HECTD4: variants seen among roughly 807,000 people sequenced by gnomAD.
The protein encoded by HECTD4 is HECT domain E3 ubiquitin protein ligase 4.
A neutral mutation model predicts 471.5 loss-of-function variants in HECTD4; 114 were observed. The ratio of observed to expected loss-of-function variants is 0.24; its 90% confidence interval spans 0.21 to 0.28. The LOEUF (loss-of-function observed/expected upper bound fraction) is 0.28. Ranked by LOEUF, HECTD4 falls within the 10% of genes least tolerant of loss-of-function variation. The probability of loss-of-function intolerance (pLI) is 1.00; values close to 1 mark genes in which losing one functional copy is unlikely to be tolerated. For synonymous variants in HECTD4, 2,012 were observed against 2,256.0 expected (o/e 0.89, Z 3.07); for missense variants, 3,866 against 5,651.5 (o/e 0.68, Z 10.13).
At chr12:112,350,972 G>A (rs1781684198) in intron 1 of HECTD4, among the ~76,000 whole-genome samples, 1 of 152,122 alleles carries the variant, frequency 6.6e-6, no homozygotes, top group Non-Finnish European at 1.5e-5. Context: ...TTAATTCCAT[G>A]TCAGAAATCT....
At chr12:112,242,478 T>G (rs2033662050) in intron 32 of HECTD4, among the ~76,000 whole-genome samples, 1 of 150,904 alleles carries the variant, frequency 6.6e-6, no homozygotes, top group Admixed American at 6.6e-5. Context: ...CTGGGCATGG[T>G]GGTATGCGCC....
At position 112,290,862 on chromosome 12, in the gene HECTD4, AC is replaced by A. The variant is rs200476473; in HGVS notation, c.1336-7561del. Among the ~76,000 whole-genome samples, 28 of 138,178 alleles carry A rather than the reference AC, an allele frequency of 2.0e-4. 1 individual carries two copies. Among genetic ancestry groups the A allele is most frequent in the South Asian group, 1.1e-3 (5 of 4,632 alleles). The allele number at this position is 138,178 out of a possible 152,430, so 90.7% of individuals were successfully genotyped here. On this transcript the variant is annotated intron_variant, in intron 7 of 75. Coordinates refer to ENST00000682272, the MANE Select transcript of HECTD4 (RefSeq NM_001388303.1). ...AAACTCCGTCTCAAAAAAAAACAAA[AC>A]AAAAAAAAAAAACAAATCACAGATA...
At position 112,184,594 on chromosome 12, in the gene HECTD4, C is replaced by T; in HGVS notation, c.10372G>A (p.Glu3458Lys). 1 of 1,613,846 alleles carries T rather than the reference C, an allele frequency of 6.2e-7. No homozygotes were observed. The highest frequency in any genetic ancestry group is 8.5e-7 in the Non-Finnish European group (1 of 1,179,874). Residue 3458 changes from glutamate (E) to lysine (K), a missense_variant, in exon 61 of 76, where the codon GAG becomes AAG. Glu to Lys is a moderately conservative substitution (Grantham distance 56). Coordinates refer to ENST00000682272, the MANE Select transcript of HECTD4 (RefSeq NM_001388303.1). This position sits in a 1 kb window ranked among gnomAD's most constrained non-coding sequence, Gnocchi z 9.1. ...GTGCCGGGGAAGGCCAGTGTCTTCT[C>T]GGGCTCAACTTTCCCGTCCCCGCCC... ...AEGGDGKVEP[E>K]KTLAFPGTDS... is the part of the protein sequence containing the mutation.
chr12:112,285,276 C>A (rs2034726553), intron 7 of HECTD4, among the ~76,000 whole-genome samples: 1 of 152,118 alleles, frequency 6.6e-6, no homozygotes, highest in Non-Finnish European at 1.5e-5. Flanking sequence ...TAAATGGGAC[C>A]TTTCCCAAGA....
chr12:112,321,493 A>C (rs567360495), intron 1 of HECTD4, among the ~76,000 whole-genome samples: 1 of 152,360 alleles, frequency 6.6e-6, no homozygotes, highest in Non-Finnish European at 1.5e-5. Flanking sequence ...TGCCTGGTTC[A>C]CAGTAGACCA....
chr12:112,336,119 G>A (rs546680894), intron 1 of HECTD4, among the ~76,000 whole-genome samples: 1 of 152,296 alleles, frequency 6.6e-6, no homozygotes, highest in Non-Finnish European at 1.5e-5. Context: ...ACTATATCAT[G>A]AGGATGAAAT....
intron 15 of HECTD4, 33 bp from the exon 16 acceptor site, chr12:112,265,328 T>C (rs1218727408): frequency 7.3e-7 from 1 of 1,368,202 alleles, no homozygotes; most frequent in Non-Finnish European, 1.0e-6. Flanking sequence ...AACAATAAAA[T>C]ATTGATGGTT....
rs937767900 is a variant in HECTD4 at position 112,161,226 on chromosome 12, C to G, written c.*1161G>C. ...GCCTGTGCTGCTCATGAACAAAGTA[C>G]CACTGGACAAAGACCTATTTGGGGC... On this transcript the variant is annotated 3_prime_UTR_variant, in exon 76 of 76. Coordinates refer to ENST00000682272, the MANE Select transcript of HECTD4 (RefSeq NM_001388303.1). 2 of 151,274 alleles carry G rather than the reference C, an allele frequency of 1.3e-5. No individual in the cohort carries two copies. Among genetic ancestry groups the G allele is most frequent in the African/African-American group, 2.4e-5 (1 of 40,860 alleles). 9.4% of individuals were successfully genotyped at this position (151,274 alleles called of 1,614,324 possible).
intron 8 of HECTD4, among the ~76,000 whole-genome samples, chr12:112,281,539 CAACAAA>C (rs2034641461): frequency 6.6e-6 from 1 of 151,904 alleles, no homozygotes. Context: ...ATTTAGGTAA[CAACAAA>C]AACAAAAACA....
intron 6 of HECTD4, among the ~76,000 whole-genome samples, chr12:112,307,276 C>G (rs921281990): frequency 6.6e-6 from 1 of 152,136 alleles, no homozygotes. Flanking sequence ...AAAGTAAAAA[C>G]TCATTTAGTT....
chr12:112,382,020 C>G lies in HECTD4; in HGVS notation c.109G>C (p.Val37Leu). The G allele has an allele frequency of 8.2e-7, 1 of 1,224,408 alleles. No individual in the cohort carries two copies. The highest frequency in any genetic ancestry group is 1.0e-6 in the Non-Finnish European group (1 of 983,110). 75.8% of individuals were successfully genotyped at this position (1,224,408 alleles called of 1,614,324 possible). ...CTGGGCAGCTCGGCCAGGTCGGTGA[C>G]CCGGATCAGCCCGTCGTGCAGGAAG... ...TIFLHDGLIR[V>L]TDLAELPSEI... The change falls in exon 1 of 76, where the codon GTC (valine) becomes CTC (leucine). Residue 37 changes from valine (V) to leucine (L), a missense_variant. Around this residue, in one of 16 missense-constraint regions of HECTD4, gnomAD observed 440 missense variants for 636.0 expected, o/e 0.69. Coordinates refer to ENST00000682272, the MANE Select transcript of HECTD4 (RefSeq NM_001388303.1).
Position 112,292,361 on chromosome 12 carries a change from T to C in HECTD4, c.1336-9059A>G, listed in dbSNP as rs528998096. Among the ~76,000 whole-genome samples the C allele has an allele frequency of 2.6e-5, 4 of 152,316 alleles. No homozygotes were observed. In the South Asian group the frequency reaches 8.3e-4, roughly 32 times the overall value. On this transcript the variant is annotated intron_variant, in intron 7 of 75. Coordinates refer to ENST00000682272, the MANE Select transcript of HECTD4 (RefSeq NM_001388303.1). ...TCCTCAGAGAGGCTCCCCTGATCAT[T>C]ACCTAGAATAGTCCCACACCAAACA...
intron 1 of HECTD4, among the ~76,000 whole-genome samples, chr12:112,365,965 C>T (rs893602481): frequency 3.3e-5 from 5 of 151,446 alleles, no homozygotes; most frequent in African/African-American, 9.7e-5. Flanking sequence ...TAGTAGAGAC[C>T]GGGTTTCACC....
At chr12:112,324,033 C>CTTTCTCTCTTTCTTT (rs1566112010) in intron 1 of HECTD4, among the ~76,000 whole-genome samples, 1 of 23,738 alleles carries the variant, frequency 4.2e-5, no homozygotes, top group Non-Finnish European at 6.6e-5. Flanking sequence ...TTCCTTCCTT[C>CTTTCTCTCTTTCTTT]CTTCCTTCCT....
At chr12:112,349,388 CAAAAAAAAAAAA>C (rs60480485) in intron 1 of HECTD4, among the ~76,000 whole-genome samples, 10 of 54,718 alleles carry the variant, frequency 1.8e-4, no homozygotes, top group South Asian at 7.9e-4. Flanking sequence ...ACTCTTGCTC[CAAAAAAAAAAAA>C]AAAAAAAAAA....
chr12:112,262,273 G>C (rs2034163342), intron 17 of HECTD4: 1 of 152,098 alleles, frequency 6.6e-6, no homozygotes, highest in Non-Finnish European at 1.5e-5. Context: ...CACTTTGGGA[G>C]GCCAAGGCAG....
intron 1 of HECTD4, among the ~76,000 whole-genome samples, chr12:112,326,709 T>C (rs761159228): frequency 4.6e-5 from 7 of 152,152 alleles, no homozygotes; most frequent in Non-Finnish European, 8.8e-5. Flanking sequence ...TATATATACA[T>C]ATAAGGACAT....
intron 64 of HECTD4, among the ~76,000 whole-genome samples, chr12:112,177,325 G>C (rs1049102477): frequency 6.6e-6 from 1 of 151,394 alleles, no homozygotes; most frequent in Non-Finnish European, 1.5e-5. Context: ...CGTATCTAAA[G>C]AATATTCTAT....
chr12:112,333,566 G>C (rs1265803879), intron 1 of HECTD4, among the ~76,000 whole-genome samples: 1 of 152,130 alleles, frequency 6.6e-6, no homozygotes, highest in Non-Finnish European at 1.5e-5. Context: ...GGACAATAGA[G>C]GCCAGACATG....
Sources: allele counts gnomAD v4.1 joint callset (sites outside exome capture counted in the v4.1 genomes callset), GRCh38; gene constraint gnomAD v4.1.1; regional missense constraint gnomAD v4.1.1; non-coding constraint Gnocchi (gnomAD v3.1); transcripts MANE v1.5; gene names NCBI Gene and HGNC (gene_info 2026-07-23, HGNC 2026-07-21).